Variants in CTDSPL2 observed in about 807,000 individuals in gnomAD.
CTDSPL2 encodes CTD small phosphatase like 2, also known as CTD small phosphatase-like protein 2.
In CTDSPL2, 5 loss-of-function variants were observed where a neutral mutation model predicts 60.0. The ratio of observed to expected loss-of-function variants is 0.08; its 90% confidence interval spans 0.04 to 0.18. The LOEUF is 0.18. Ranked by LOEUF, CTDSPL2 falls within the 10% of genes least tolerant of loss-of-function variation. The pLI is 1.00. For missense variants in CTDSPL2, 370 were observed against 548.8 expected (o/e 0.67, Z 3.26); for synonymous variants, 186 against 189.3 (o/e 0.98, Z 0.14).
Position 44,514,810 on chromosome 15 carries a change from C to T in CTDSPL2, c.1078C>T (p.Leu360=). The T allele has an allele frequency of 6.2e-7, 1 of 1,606,398 alleles. No homozygotes were observed. The highest frequency in any genetic ancestry group is 8.5e-7 in the Non-Finnish European group (1 of 1,175,422). ...TAAGAAGGTGTATGCAGACAAGTTA[C>T]TGAACATACTAGACCCTAAAAAGCA... ...ASKKVYADKL[L]NILDPKKQLV... is the part of the protein sequence containing the mutation. The change falls in exon 10 of 13, where the codon CTG becomes TTG. Residue 360 remains leucine (L), a synonymous_variant. Transcript: ENST00000260327.
chr15:44,488,325 A>G (rs947083065), intron 4 of CTDSPL2, among the ~76,000 whole-genome samples: 3 of 152,140 alleles, frequency 2.0e-5, no homozygotes, highest in African/African-American at 7.2e-5. Context: ...TGAGACCTTA[A>G]TTGTATTAGA....
chr15:44,459,207 A>G lies in CTDSPL2; in HGVS notation c.186+7A>G. On this transcript the variant is annotated splice_region_variant and intron_variant, in intron 2 of 12. Transcript: ENST00000260327. ...TAAAGGAAGCACACCTAAGGTAATGATTTTACCATATACTTTCATATCATT... is the reference window on the plus strand; with the variant it reads ...TAAAGGAAGCACACCTAAGGTAATGGTTTTACCATATACTTTCATATCATT... The G allele has an allele frequency of 6.3e-7, 1 of 1,586,604 alleles. No homozygotes were observed. Among genetic ancestry groups the G allele is most frequent in the Non-Finnish European group, 8.6e-7 (1 of 1,165,258 alleles).
intron 1 of CTDSPL2, among the ~76,000 whole-genome samples, chr15:44,430,486 A>G (rs780320539): frequency 1.3e-4 from 19 of 151,998 alleles, no homozygotes; most frequent in East Asian, 3.9e-4. Flanking sequence ...GCTACAAGCA[A>G]TCGTCCTGCC....
chr15:44,434,642 T>C (rs1186034023), intron 1 of CTDSPL2, among the ~76,000 whole-genome samples: 1 of 152,182 alleles, frequency 6.6e-6, no homozygotes, highest in Non-Finnish European at 1.5e-5. Flanking sequence ...GACCTCTTCC[T>C]AGGTGGGCCT....
At chr15:44,431,782 G>A (rs894509279) in intron 1 of CTDSPL2, among the ~76,000 whole-genome samples, 1 of 148,774 alleles carries the variant, frequency 6.7e-6, no homozygotes, top group Non-Finnish European at 1.5e-5. Context: ...GCAGTGGTGC[G>A]ATCTCAGCTT....
chr15:44,485,622 T>C (rs1355051667), intron 3 of CTDSPL2, among the ~76,000 whole-genome samples: 3 of 152,238 alleles, frequency 2.0e-5, no homozygotes, highest in Non-Finnish European at 4.4e-5. Context: ...CTTGTTCACC[T>C]CCTGCTCTGC....
chr15:44,522,710 A>G (rs909504373), intron 12 of CTDSPL2, among the ~76,000 whole-genome samples: 5 of 152,022 alleles, frequency 3.3e-5, no homozygotes, highest in African/African-American at 1.2e-4. Context: ...CCGAGATTGC[A>G]CCACTGCACT....
intron 10 of CTDSPL2, among the ~76,000 whole-genome samples, chr15:44,517,088 T>C (rs1160247784): frequency 6.6e-6 from 1 of 150,626 alleles, no homozygotes; most frequent in Non-Finnish European, 1.5e-5. Context: ...TCCGCCCACG[T>C]TGGCCTCCCA....
At chr15:44,491,085 T>A (rs2081206228) in intron 5 of CTDSPL2, 86 bp downstream of exon 5, 2 of 953,254 alleles carry the variant, frequency 2.1e-6, no homozygotes, top group Non-Finnish European at 1.6e-6. Flanking sequence ...AATGAGCACA[T>A]TATATGCATA....
intron 8 of CTDSPL2, among the ~76,000 whole-genome samples, chr15:44,509,450 G>T (rs532926951): frequency 1.3e-5 from 2 of 151,942 alleles, no homozygotes; most frequent in South Asian, 2.1e-4. Context: ...CAGGTGATCC[G>T]CCCGCCTTGG....
At chr15:44,519,072 G>A in intron 10 of CTDSPL2, 97 bp from the exon 11 acceptor site, 1 of 753,298 alleles carries the variant, frequency 1.3e-6, no homozygotes, top group Non-Finnish European at 1.9e-6. Context: ...AAAATCATAT[G>A]GCTTAAACTA....
chr15:44,473,704 T>G (rs1221045446), intron 2 of CTDSPL2, among the ~76,000 whole-genome samples: 1 of 152,228 alleles, frequency 6.6e-6, no homozygotes, highest in East Asian at 1.9e-4. Context: ...ATTTTGCATG[T>G]TCATTTTCAT....
At chr15:44,452,692 T>C (rs2080356118) in intron 1 of CTDSPL2, among the ~76,000 whole-genome samples, 2 of 152,132 alleles carry the variant, frequency 1.3e-5, no homozygotes, top group Non-Finnish European at 2.9e-5. Context: ...TTCTCCATCA[T>C]TGTTACTATT....
intron 1 of CTDSPL2, among the ~76,000 whole-genome samples, chr15:44,429,450 A>G (rs893799841): frequency 5.3e-5 from 8 of 152,200 alleles, no homozygotes; most frequent in Non-Finnish European, 8.8e-5. Context: ...TGTTTTTAAT[A>G]AAAATTAGTT....
At chr15:44,501,708 C>A (rs2081384448) in intron 8 of CTDSPL2, among the ~76,000 whole-genome samples, 2 of 152,028 alleles carry the variant, frequency 1.3e-5, no homozygotes, top group African/African-American at 4.8e-5. Flanking sequence ...GTAGTTTGAA[C>A]CTTATAAGCT....
At chr15:44,492,176 A>T (rs559939929) in intron 5 of CTDSPL2, among the ~76,000 whole-genome samples, 21 of 152,084 alleles carry the variant, frequency 1.4e-4, no homozygotes, top group East Asian at 1.2e-3. Flanking sequence ...GCCAAAAAAA[A>T]TTTTTTTAAA....
At chr15:44,440,680 G>T (rs188268810) in intron 1 of CTDSPL2, among the ~76,000 whole-genome samples, 4 of 151,396 alleles carry the variant, frequency 2.6e-5, no homozygotes, top group Non-Finnish European at 5.9e-5. Context: ...AATTCATCTT[G>T]ATTTCTGGTC....
At chr15:44,431,355 A>T (rs1303728533) in intron 1 of CTDSPL2, among the ~76,000 whole-genome samples, 2 of 152,226 alleles carry the variant, frequency 1.3e-5, no homozygotes, top group Admixed American at 1.3e-4. Flanking sequence ...CAGGAGGCAT[A>T]TATCTAAGCC....
At chr15:44,518,191 T>A (rs756693216) in intron 10 of CTDSPL2, among the ~76,000 whole-genome samples, 23 of 152,162 alleles carry the variant, frequency 1.5e-4, no homozygotes, top group Admixed American at 3.9e-4. Context: ...GGTCCTAGAT[T>A]TTGTAAAATT....
Sources: gnomAD v4.1 joint callset for allele counts (sites outside exome capture counted in the v4.1 genomes callset) on GRCh38, gnomAD v4.1.1 for gene constraint, MANE v1.5 for transcripts, NCBI Gene and HGNC (gene_info 2026-07-23, HGNC 2026-07-21) for gene names.